The following KIF16B variants were observed in gnomAD, a reference collection of about 807,000 sequenced individuals.
KIF16B encodes kinesin-like protein KIF16B.
A neutral mutation model predicts 156.3 loss-of-function variants in KIF16B; 98 were observed. The observed-to-expected ratio is 0.63, with a 90% confidence interval of 0.53 to 0.74. The LOEUF (loss-of-function observed/expected upper bound fraction) is 0.74, where lower values mean the gene tolerates loss of function less well. KIF16B is among the 30% of genes least tolerant of loss of function. The pLI is 0.00. For missense variants in KIF16B, 1,421 were observed against 1,606.5 expected (o/e 0.88, Z 1.97); for synonymous variants, 564 against 583.7 (o/e 0.97, Z 0.49).
chr20:16,333,480 T>A (rs59764521), intron 24 of KIF16B, among the ~76,000 whole-genome samples: 2,385 of 152,286 alleles, frequency 0.016, 70 homozygotes, highest in African/African-American at 0.054. Flanking sequence ...CCATGCAGAG[T>A]TGCTCAATAC....
intron 12 of KIF16B, among the ~76,000 whole-genome samples, chr20:16,441,237 C>G (rs1406476501): frequency 6.6e-6 from 1 of 152,158 alleles, no homozygotes; most frequent in African/African-American, 2.4e-5. Flanking sequence ...TGGCCTTACA[C>G]TTTGGTCTTG....
intron 1 of KIF16B, among the ~76,000 whole-genome samples, chr20:16,550,416 C>T (rs1251426733): frequency 1.3e-5 from 2 of 151,812 alleles, no homozygotes; most frequent in Admixed American, 1.3e-4. Flanking sequence ...TAAACTAGTT[C>T]AACCATTGTG....
At chr20:16,359,164 G>A (rs1162880867) in intron 22 of KIF16B, among the ~76,000 whole-genome samples, 2 of 152,112 alleles carry the variant, frequency 1.3e-5, no homozygotes, top group Non-Finnish European at 1.5e-5. Context: ...CTGGTGATAC[G>A]GTTTGGATAT....
chr20:16,504,699 A>C, intron 9 of KIF16B, 152 bp from the exon 10 acceptor site: 1 of 609,518 alleles, frequency 1.6e-6, no homozygotes, highest in East Asian at 2.8e-5. Context: ...AAATTATCTA[A>C]CATTTCTAGG....
chr20:16,329,121 T>C (rs754583291), intron 24 of KIF16B, among the ~76,000 whole-genome samples: 2 of 152,206 alleles, frequency 1.3e-5, no homozygotes, highest in Non-Finnish European at 2.9e-5. Context: ...CCTCATGTCA[T>C]CCAACTTTAT....
chr20:16,493,229 A>C (rs764732660), intron 12 of KIF16B, among the ~76,000 whole-genome samples: 1 of 152,198 alleles, frequency 6.6e-6, no homozygotes, highest in Non-Finnish European at 1.5e-5. Flanking sequence ...ACTTAAGCAC[A>C]ACCTCTGATC....
chr20:16,523,634 A>G (rs2069429089), intron 3 of KIF16B, among the ~76,000 whole-genome samples: 1 of 152,204 alleles, frequency 6.6e-6, no homozygotes, highest in Non-Finnish European at 1.5e-5. Context: ...ATTCAATGCT[A>G]TCCCCATCAA....
intron 1 of KIF16B, among the ~76,000 whole-genome samples, chr20:16,570,917 G>A (rs1259208188): frequency 6.6e-6 from 1 of 152,110 alleles, no homozygotes; most frequent in African/African-American, 2.4e-5. Context: ...TGGTTTATGT[G>A]CAAAAGATTT....
At chr20:16,418,238 C>A (rs1048981781) in intron 15 of KIF16B, among the ~76,000 whole-genome samples, 1 of 152,072 alleles carries the variant, frequency 6.6e-6, no homozygotes, top group Non-Finnish European at 1.5e-5. Context: ...AAGTCTGGTG[C>A]ACCAAGAAAC....
intron 15 of KIF16B, among the ~76,000 whole-genome samples, chr20:16,410,285 G>A (rs2065917803): frequency 1.4e-5 from 2 of 145,256 alleles, no homozygotes; most frequent in African/African-American, 2.6e-5. Flanking sequence ...ATGTAGGTAC[G>A]TACCTACATA....
chr20:16,552,702 T>C (rs1011350252), intron 1 of KIF16B, among the ~76,000 whole-genome samples: 18 of 152,254 alleles, frequency 1.2e-4, no homozygotes, highest in African/African-American at 4.1e-4. Flanking sequence ...ATTTTCATTA[T>C]GACACCAGCA....
Position 16,561,087 on chromosome 20 carries a change from C to T in KIF16B, c.47+12142G>A, listed in dbSNP as rs189421074. ...GGTGGGTCACCTGAGGTCAGGAGTT[C>T]AAGACCAGCCTAGCCAACATGGTGA... is the stretch of plus-strand genomic sequence containing the variant. On this transcript the variant is annotated intron_variant, in intron 1 of 25. Coordinates refer to ENST00000354981, the MANE Select transcript of KIF16B (RefSeq NM_024704.5). Among the ~76,000 whole-genome samples the T allele has an allele frequency of 8.6e-5, 13 of 152,034 alleles. No individual in the cohort carries two copies. The East Asian group carries it at 2.5e-3, about 29-fold the overall frequency.
At chr20:16,369,761 T>C (rs1220227726) in intron 22 of KIF16B, among the ~76,000 whole-genome samples, 2 of 152,224 alleles carry the variant, frequency 1.3e-5, no homozygotes, top group Non-Finnish European at 2.9e-5. Flanking sequence ...GGATCAAATG[T>C]TCCCATGAAC....
At chr20:16,409,757 T>A (rs1000309740) in intron 15 of KIF16B, among the ~76,000 whole-genome samples, 1 of 151,308 alleles carries the variant, frequency 6.6e-6, no homozygotes. Context: ...CTGGAATGCA[T>A]CACTAGTTGA....
intron 21 of KIF16B, among the ~76,000 whole-genome samples, chr20:16,370,913 T>C (rs1600226491): frequency 6.6e-6 from 1 of 152,216 alleles, no homozygotes; most frequent in Admixed American, 6.5e-5. Flanking sequence ...ATTTGCAGGA[T>C]AGAAATGCAT....
In KIF16B at chr20:16,276,120, T is replaced by C. The variant is rs145291221; in HGVS notation, c.3796-2709A>G. The stretch of plus-strand genomic sequence containing the variant: ...CAGGCTGCATTAACAGGCAGGCTGA[T>C]GTTTACAGCAAAGCTGACTTCAAGA... On this transcript the variant is annotated intron_variant, in intron 25 of 25. Transcript: ENST00000354981. Among the ~76,000 whole-genome samples, 109 of 152,334 alleles carry C rather than the reference T, an allele frequency of 7.2e-4. 1 individual carries two copies. The East Asian group carries it at 0.013, about 19-fold the overall frequency.
intron 1 of KIF16B, among the ~76,000 whole-genome samples, chr20:16,538,024 G>A (rs1272724341): frequency 6.6e-6 from 1 of 151,990 alleles, no homozygotes; most frequent in Non-Finnish European, 1.5e-5. Context: ...TTTCAAGTAA[G>A]GCTTGTCTTG....
intron 12 of KIF16B, among the ~76,000 whole-genome samples, chr20:16,480,273 A>T (rs2067942684): frequency 6.6e-6 from 1 of 152,196 alleles, no homozygotes; most frequent in African/African-American, 2.4e-5. Context: ...ACAGAGAAAC[A>T]CAGCAGGGTC....
intron 3 of KIF16B, among the ~76,000 whole-genome samples, chr20:16,519,371 C>T (rs1445795980): frequency 6.6e-6 from 1 of 152,180 alleles, no homozygotes; most frequent in Admixed American, 6.5e-5. Context: ...ACCTCAGCTC[C>T]CCAAGTAGCT....
Sources: allele counts gnomAD v4.1 joint callset (sites outside exome capture counted in the v4.1 genomes callset), GRCh38; gene constraint gnomAD v4.1.1; transcripts MANE v1.5; gene names NCBI Gene and HGNC (gene_info 2026-07-23, HGNC 2026-07-21).